KCNG2: variants seen among roughly 807,000 people sequenced by gnomAD.
KCNG2 encodes potassium voltage-gated channel modifier subfamily G member 2, also known as voltage-gated potassium channel regulatory subunit KCNG2.
In KCNG2, 7 loss-of-function variants were observed where a neutral mutation model predicts 12.3. That is an observed-to-expected ratio of 0.57 (90% confidence interval 0.32 to 1.07). The LOEUF (loss-of-function observed/expected upper bound fraction) is 1.07. Ranked by LOEUF, KCNG2 falls within the 50% of genes least tolerant of loss-of-function variation. The pLI, the probability that KCNG2 is intolerant of heterozygous loss-of-function variation, is 0.04. For synonymous variants in KCNG2, 414 were observed against 351.4 expected (o/e 1.18, Z -1.99); for missense variants, 703 against 726.0 (o/e 0.97, Z 0.36).
Position 79,863,783 on chromosome 18 carries a change from C to A in KCNG2, c.116C>A (p.Pro39His). The change falls in exon 3 of 4, where the codon CCC becomes CAC. Residue 39 changes from proline (P) to histidine (H), a missense_variant. Transcript: ENST00000316249. ...RLAWAALARCPLARLERLRAC... is the reference protein window; with the variant it reads ...RLAWAALARCHLARLERLRAC... ...GCATGGGCCGCGCTGGCGCGATGCC[C>A]CCTCGCGCGCCTGGAGCGCCTGCGC... 7.8e-7 allele frequency: 1 copy of A among 1,285,110 alleles called. No individual in the cohort carries two copies. The allele number at this position is 1,285,110 out of a possible 1,614,324, so 79.6% of individuals were successfully genotyped here.
intron 1 of KCNG2, among the ~76,000 whole-genome samples, chr18:79,845,761 C>T (rs1224488419): frequency 6.6e-6 from 1 of 152,148 alleles, no homozygotes; most frequent in Non-Finnish European, 1.5e-5. Flanking sequence ...AAAAATAAAA[C>T]CCCTTTATAA....
At position 79,863,691 on chromosome 18, in the gene KCNG2, G is replaced by GGGC. The variant is rs71338073; in HGVS notation, c.36_38dup (p.Gly13dup). The GGGC allele has an allele frequency of 0.4, 473,817 of 1,173,386 alleles. 90,194 individuals carry two copies. Among genetic ancestry groups the GGGC allele is most frequent in the Non-Finnish European group, 0.43 (402,619 of 943,932 alleles). The allele number at this position is 1,173,386 out of a possible 1,614,324, so 72.7% of individuals were successfully genotyped here. A position where few individuals can be genotyped will look rare whatever the true frequency, so the allele number is the denominator to read the frequency against. On this transcript the variant is annotated inframe_insertion, in exon 3 of 4. Coordinates refer to ENST00000316249, the MANE Select transcript of KCNG2 (RefSeq NM_012283.2). Reference sequence around the variant, plus strand: ...GCATGGAGCCATGGCCCTGCTCCCCGGGCGGCGGCGGCGGGACCCGCGCCC... The same window carrying GGGC: ...GCATGGAGCCATGGCCCTGCTCCCCGGGCGGCGGCGGCGGCGGGACCCGCGCCC...
chr18:79,849,395 AG>A (rs1388671814), intron 1 of KCNG2, among the ~76,000 whole-genome samples: 5 of 152,180 alleles, frequency 3.3e-5, no homozygotes, highest in Non-Finnish European at 5.9e-5. Flanking sequence ...TTGGCTCAGA[AG>A]GTGGGGCCCT....
intron 3 of KCNG2, among the ~76,000 whole-genome samples, chr18:79,888,077 T>A (rs1980596987): frequency 6.6e-6 from 1 of 152,170 alleles, no homozygotes. Context: ...TTACCACAGT[T>A]TTTAAAATGC....
chr18:79,865,703 G>A (rs1404192705), intron 3 of KCNG2, among the ~76,000 whole-genome samples: 1 of 143,324 alleles, frequency 7.0e-6, no homozygotes, highest in East Asian at 2.2e-4. Flanking sequence ...TCTGGGTGCT[G>A]AGGCCTGGGT....
At chr18:79,834,504 T>C (rs1434641376) in intron 1 of KCNG2, among the ~76,000 whole-genome samples, 1 of 151,984 alleles carries the variant, frequency 6.6e-6, no homozygotes, top group South Asian at 2.1e-4. Flanking sequence ...GTCAAAGGAA[T>C]GAGAAAAAGA....
At chr18:79,873,867 C>T (rs1979962949) in intron 3 of KCNG2, among the ~76,000 whole-genome samples, 1 of 152,250 alleles carries the variant, frequency 6.6e-6, no homozygotes, top group Non-Finnish European at 1.5e-5. Context: ...CCAGGTCCAG[C>T]CTGTGAGAGG....
chr18:79,873,172 C>A (rs1452629565), intron 3 of KCNG2, among the ~76,000 whole-genome samples: 2 of 152,196 alleles, frequency 1.3e-5, no homozygotes, highest in African/African-American at 4.8e-5. Flanking sequence ...TGCTTTGGGC[C>A]TCGGTCCCAG....
intron 3 of KCNG2, among the ~76,000 whole-genome samples, chr18:79,867,556 G>A (rs1291304883): frequency 4.2e-5 from 5 of 120,418 alleles, no homozygotes; most frequent in Non-Finnish European, 8.7e-5. Flanking sequence ...GTCGTGTGTC[G>A]TGTCTGGGAG....
intron 3 of KCNG2, among the ~76,000 whole-genome samples, chr18:79,872,922 C>T (rs938309044): frequency 5.3e-5 from 8 of 151,272 alleles, no homozygotes. Flanking sequence ...GTGTGGCGGC[C>T]GTGGGGAGGG....
At chr18:79,828,708 T>C (rs574480284) in intron 1 of KCNG2, among the ~76,000 whole-genome samples, 223 of 151,760 alleles carry the variant, frequency 1.5e-3, no homozygotes, top group African/African-American at 5.2e-3. Context: ...GGAATTTGCG[T>C]GTGTGTAACA....
Position 79,879,645 on chromosome 18 carries a change from C to G in KCNG2, c.624+15354C>G, listed in dbSNP as rs1980217219. Among the ~76,000 whole-genome samples, 3 of 152,242 alleles carry G rather than the reference C, an allele frequency of 2.0e-5. No individual in the cohort carries two copies. In the South Asian group the frequency reaches 6.2e-4, roughly 32 times the overall value. ...GAAGATGCACCGCTGGGAGGTTAAT[C>G]CAGAAGTCCCGCTCTGGCCTACCAG... is the stretch of plus-strand genomic sequence containing the variant. On this transcript the variant is annotated intron_variant, in intron 3 of 3. Transcript: ENST00000316249.
chr18:79,863,802 C>G lies in KCNG2; in HGVS notation c.135C>G (p.Arg45=). 2 of 1,321,562 alleles carry G rather than the reference C, an allele frequency of 1.5e-6. No homozygotes were observed. Among genetic ancestry groups the G allele is most frequent in the Non-Finnish European group, 1.9e-6 (2 of 1,030,644 alleles). 81.9% of individuals were successfully genotyped at this position (1,321,562 alleles called of 1,614,324 possible). ...GATGCCCCCTCGCGCGCCTGGAGCG[C>G]CTGCGCGCCTGCCGCGGCCACGACG... ...LARCPLARLE[R]LRACRGHDDL... The change falls in exon 3 of 4, where the codon CGC becomes CGG. Residue 45 remains arginine (R), a synonymous_variant. Transcript: ENST00000316249.
intron 1 of KCNG2, among the ~76,000 whole-genome samples, chr18:79,828,764 CGT>C (rs1404110810): frequency 4.8e-5 from 6 of 126,000 alleles, no homozygotes; most frequent in African/African-American, 1.9e-4. Flanking sequence ...TCTATGTGTG[CGT>C]GTGTGTAACG....
chr18:79,820,803 C>T (rs1350409616), intron 1 of KCNG2, among the ~76,000 whole-genome samples: 1 of 152,120 alleles, frequency 6.6e-6, no homozygotes, highest in Admixed American at 6.5e-5. Context: ...CATGCACCAC[C>T]ACACCCAGCT....
intron 1 of KCNG2, among the ~76,000 whole-genome samples, chr18:79,855,696 G>C (rs1978985471): frequency 6.6e-6 from 1 of 151,992 alleles, no homozygotes; most frequent in African/African-American, 2.4e-5. Context: ...AGGGGACCCT[G>C]CACGGCCCCT....
intron 1 of KCNG2, among the ~76,000 whole-genome samples, chr18:79,818,293 C>A (rs2087545118): frequency 6.6e-6 from 1 of 152,218 alleles, no homozygotes; most frequent in Admixed American, 6.5e-5. Flanking sequence ...ACCCCAGAGA[C>A]CAGGTCACAC....
At chr18:79,863,174 C>T (rs1414963775) in intron 2 of KCNG2, among the ~76,000 whole-genome samples, 2 of 152,254 alleles carry the variant, frequency 1.3e-5, no homozygotes, top group Non-Finnish European at 2.9e-5. Flanking sequence ...TGCCGTTTTC[C>T]AGCAGGTCCC....
intron 3 of KCNG2, among the ~76,000 whole-genome samples, chr18:79,888,384 G>A: frequency 6.6e-6 from 1 of 151,778 alleles, no homozygotes; most frequent in African/African-American, 2.4e-5. Context: ...TCCTCATGAG[G>A]CCGCGGTGGG....
Sources: gnomAD v4.1 joint callset for allele counts (sites outside exome capture counted in the v4.1 genomes callset) on GRCh38, gnomAD v4.1.1 for gene constraint, MANE v1.5 for transcripts, NCBI Gene and HGNC (gene_info 2026-07-23, HGNC 2026-07-21) for gene names.